ZDHHC5: variants seen among roughly 807,000 people sequenced by gnomAD.
ZDHHC5 encodes palmitoyltransferase ZDHHC5.
Under a neutral mutation model 70.0 loss-of-function variants are expected in ZDHHC5, and 22 were observed. That is an observed-to-expected ratio of 0.31 (90% CI 0.22 to 0.45). The LOEUF is 0.45. Ranked by LOEUF, ZDHHC5 falls within the 20% of genes least tolerant of loss-of-function variation. The pLI, the probability that ZDHHC5 is intolerant of heterozygous loss-of-function variation, is 1.00. For missense variants in ZDHHC5, 746 were observed against 926.9 expected (o/e 0.80, Z 2.53); for synonymous variants, 313 against 347.8 (o/e 0.90, Z 1.11).
intron 1 of ZDHHC5, among the ~76,000 whole-genome samples, chr11:57,669,489 T>C (rs770596225): frequency 2.0e-5 from 3 of 152,216 alleles, no homozygotes; most frequent in African/African-American, 7.2e-5. Flanking sequence ...GGAGTCTGGC[T>C]CTGTCGCCCA....
chr11:57,668,334 G>A (rs1043781439), intron 1 of ZDHHC5, 147 bp downstream of exon 1: 3 of 205,916 alleles, frequency 1.5e-5, no homozygotes, highest in African/African-American at 6.9e-5. Context: ...TTCCAACCGC[G>A]GCGGGACCCA....
Position 57,699,884 on chromosome 11 carries a change from G to A in ZDHHC5, c.2001G>A (p.Lys667=), listed in dbSNP as rs1257428761. The change falls in exon 12 of 12, where the codon AAG becomes AAA. Residue 667 remains lysine, a synonymous_variant. Coordinates refer to ENST00000287169, the MANE Select transcript of ZDHHC5 (RefSeq NM_015457.3). ...LLTPKDEVQL[K]TTYSKSNGQP... is the part of the protein sequence containing the mutation. ...TTTCCAGAGATGAAGTACAGCTGAAGACCACCTACAGCAAATCCAACGGGC... is the reference window on the plus strand; with the variant it reads ...TTTCCAGAGATGAAGTACAGCTGAAAACCACCTACAGCAAATCCAACGGGC... 2 of 1,614,082 alleles carry A rather than the reference G, an allele frequency of 1.2e-6. No homozygotes were observed. Among genetic ancestry groups the A allele is most frequent in the Non-Finnish European group, 1.7e-6 (2 of 1,180,060 alleles).
At chr11:57,687,756 GTTTTTTTTTTTT>G (rs746146074) in intron 3 of ZDHHC5, among the ~76,000 whole-genome samples, 3 of 75,274 alleles carry the variant, frequency 4.0e-5, no homozygotes, top group African/African-American at 1.0e-4. Flanking sequence ...TTTTGGGAAA[GTTTTTTTTTTTT>G]TTTTTTTTTT....
intron 2 of ZDHHC5, among the ~76,000 whole-genome samples, chr11:57,675,467 G>C (rs1946059847): frequency 6.6e-6 from 1 of 152,176 alleles, no homozygotes. Context: ...AGTAAAGTAG[G>C]AGCCCTCCTT....
At chr11:57,687,576 A>G (rs1051258118) in intron 3 of ZDHHC5, among the ~76,000 whole-genome samples, 3 of 152,038 alleles carry the variant, frequency 2.0e-5, no homozygotes, top group African/African-American at 7.2e-5. Flanking sequence ...GTCTCAAGAA[A>G]AAAAAAATTG....
intron 2 of ZDHHC5, among the ~76,000 whole-genome samples, chr11:57,676,949 T>G (rs1946079663): frequency 8.5e-6 from 1 of 117,070 alleles, no homozygotes; most frequent in Non-Finnish European, 1.7e-5. Context: ...TGAGATGGAG[T>G]CTTACTCTGT....
chr11:57,696,007 G>C lies in ZDHHC5; in HGVS notation c.973G>C (p.Gly325Arg). 6.2e-7 allele frequency: 1 copy of C among 1,614,102 alleles called. No individual in the cohort carries two copies. The highest frequency in any genetic ancestry group is 8.5e-7 in the Non-Finnish European group (1 of 1,180,022). Residue 325 changes from glycine (G) to arginine (R), a missense_variant, in exon 9 of 12, where the codon GGG becomes CGG. Physicochemically the swap from Gly to Arg is moderately radical, Grantham distance 125. Transcript: ENST00000287169. Reference sequence around the variant, plus strand: ...TAAGCCAGACCTGAGCCGTTACACAGGGTTGCGAACACACCTCGGCTTGGC... The same window carrying C: ...TAAGCCAGACCTGAGCCGTTACACACGGTTGCGAACACACCTCGGCTTGGC... Reference protein sequence around the residue: ...PPKPDLSRYTGLRTHLGLATN... With the variant: ...PPKPDLSRYTRLRTHLGLATN...
chr11:57,693,323 C>G (rs935641815), intron 7 of ZDHHC5, among the ~76,000 whole-genome samples: 2 of 152,080 alleles, frequency 1.3e-5, no homozygotes, highest in Non-Finnish European at 2.9e-5. Flanking sequence ...GTTTGCGCTC[C>G]TAAGAGAATC....
In ZDHHC5 at chr11:57,700,952, A is replaced by T. The variant is rs1946435221; in HGVS notation, c.*921A>T. ...AAGAATCCAAAAAGCAATATTTTTCATCACATGCCAAAAACGGGGGATAGA... is the reference window on the plus strand; with the variant it reads ...AAGAATCCAAAAAGCAATATTTTTCTTCACATGCCAAAAACGGGGGATAGA... On this transcript the variant is annotated 3_prime_UTR_variant, in exon 12 of 12. Transcript: ENST00000287169. The T allele has an allele frequency of 6.5e-6, 1 of 152,708 alleles. No individual in the cohort carries two copies. The highest frequency in any genetic ancestry group is 2.4e-5 in the African/African-American group (1 of 41,454). 9.5% of individuals were successfully genotyped at this position (152,708 alleles called of 1,614,324 possible).
At chr11:57,695,815 A>T in intron 8 of ZDHHC5, 105 bp from the exon 9 acceptor site, 1 of 1,422,354 alleles carries the variant, frequency 7.0e-7, no homozygotes. Context: ...AAAAAAATAC[A>T]TGAGAATTGA....
intron 3 of ZDHHC5, among the ~76,000 whole-genome samples, chr11:57,684,189 C>T (rs1392345006): frequency 6.6e-6 from 1 of 152,200 alleles, no homozygotes; most frequent in Admixed American, 6.5e-5. Flanking sequence ...ATTGGCCAGG[C>T]TGGTATTGAA....
At chr11:57,695,093 T>C (rs1045126100) in intron 8 of ZDHHC5, among the ~76,000 whole-genome samples, 3 of 152,118 alleles carry the variant, frequency 2.0e-5, no homozygotes, top group African/African-American at 7.2e-5. Context: ...AGACACCCTG[T>C]CTCTATTAAA....
At chr11:57,676,596 C>G (rs1477897965) in intron 2 of ZDHHC5, among the ~76,000 whole-genome samples, 2 of 151,904 alleles carry the variant, frequency 1.3e-5, no homozygotes, top group African/African-American at 2.4e-5. Flanking sequence ...GAACGTTGAC[C>G]TACAGCAGTT....
chr11:57,696,921 G>A (rs1432879985), intron 10 of ZDHHC5, 48 bp downstream of exon 10: 1 of 1,578,892 alleles, frequency 6.3e-7, no homozygotes, highest in Non-Finnish European at 8.7e-7. Flanking sequence ...AACTGGCCAG[G>A]CACAGTGGCT....
chr11:57,695,945 A>C lies in ZDHHC5; in HGVS notation c.911A>C (p.Glu304Ala). The C allele has an allele frequency of 6.2e-7, 1 of 1,614,136 alleles. No homozygotes were observed. Among genetic ancestry groups the C allele is most frequent in the Non-Finnish European group, 8.5e-7 (1 of 1,180,004 alleles). The change falls in exon 9 of 12, where the codon GAG becomes GCG. Residue 304 changes from glutamate (E) to alanine (A), a missense_variant. Coordinates refer to ENST00000287169, the MANE Select transcript of ZDHHC5 (RefSeq NM_015457.3). ...TCTAAGGGAAGCCTGGAGATAACAGAGAGCCAGTCTGCAGATGCTGAACCT... is the reference window on the plus strand; with the variant it reads ...TCTAAGGGAAGCCTGGAGATAACAGCGAGCCAGTCTGCAGATGCTGAACCT... Reference protein sequence around the residue: ...TKSKGSLEITESQSADAEPPP... With the variant: ...TKSKGSLEITASQSADAEPPP...
Position 57,690,370 on chromosome 11 carries a change from T to C in ZDHHC5, c.593T>C (p.Ile198Thr). ...AVMCVAGLFF[I>T]PVAGLTGFHV... The stretch of plus-strand genomic sequence containing the variant: ...ATGTGTGTGGCTGGCTTATTCTTCA[T>C]CCCTGTAGCTGGCCTCACGGGATTT... The change falls in exon 6 of 12, where the codon ATC (isoleucine) becomes ACC (threonine). Residue 198 changes from isoleucine (I) to threonine (T), a missense_variant. Physicochemically the swap from Ile to Thr is moderately conservative, Grantham distance 89. Transcript: ENST00000287169. The C allele has an allele frequency of 6.2e-7, 1 of 1,614,158 alleles. No individual in the cohort carries two copies. The highest frequency in any genetic ancestry group is 1.1e-5 in the South Asian group (1 of 91,088).
At chr11:57,680,039 A>G (rs1946128750) in intron 2 of ZDHHC5, among the ~76,000 whole-genome samples, 2 of 152,192 alleles carry the variant, frequency 1.3e-5, no homozygotes, top group Non-Finnish European at 2.9e-5. Flanking sequence ...GGTAAAGTTC[A>G]TCATCCAGGG....
chr11:57,698,573 C>A lies in ZDHHC5; in HGVS notation c.1137C>A (p.Asp379Glu), dbSNP rs778165426. ...HSSSAKLSRGDSLKEPTSIAE... is the reference protein window; with the variant it reads ...HSSSAKLSRGESLKEPTSIAE... Reference sequence around the variant, plus strand: ...TTCTTCCTCAGTTGAGTCGTGGGGACAGCTTGAAGGAGCCAACCTCAATTG... The same window carrying A: ...TTCTTCCTCAGTTGAGTCGTGGGGAAAGCTTGAAGGAGCCAACCTCAATTG... The change falls in exon 11 of 12, where the codon GAC (aspartate) becomes GAA (glutamate). Residue 379 changes from aspartate to glutamate, a missense_variant. Physicochemically the swap from Asp to Glu is conservative, Grantham distance 45 (BLOSUM62 2). Around this residue, in one of 6 missense-constraint regions of ZDHHC5, gnomAD observed 179 missense variants for 178.4 expected, o/e 1.00. Coordinates refer to ENST00000287169, the MANE Select transcript of ZDHHC5 (RefSeq NM_015457.3). 3.1e-6 allele frequency: 5 copies of A among 1,606,778 alleles called. No individual in the cohort carries two copies. Among genetic ancestry groups the A allele is most frequent in the Non-Finnish European group, 4.2e-6 (5 of 1,176,540 alleles).
rs971672772 is a variant in ZDHHC5, at chr11:57,672,371, G to A, written c.-720G>A. 24 of 395,960 alleles carry A rather than the reference G, an allele frequency of 6.1e-5. No individual in the cohort carries two copies. Among genetic ancestry groups the A allele is most frequent in the Non-Finnish European group, 7.1e-5 (16 of 225,066 alleles). 24.5% of individuals were successfully genotyped at this position (395,960 alleles called of 1,614,324 possible). On this transcript the variant is annotated 5_prime_UTR_variant, in exon 2 of 12. Coordinates refer to ENST00000287169, the MANE Select transcript of ZDHHC5 (RefSeq NM_015457.3). ...TTTACAGCTCAAACTTAGAACAGCT[G>A]TTGTCCAGCTTTAGCCATCAAGAGA...
Sources: allele counts gnomAD v4.1 joint callset (sites outside exome capture counted in the v4.1 genomes callset), GRCh38; gene constraint gnomAD v4.1.1; regional missense constraint gnomAD v4.1.1; transcripts MANE v1.5; gene names NCBI Gene and HGNC (gene_info 2026-07-23, HGNC 2026-07-21).